FADS2: variants seen among roughly 807,000 people sequenced by gnomAD.
FADS2 encodes the protein acyl-CoA 6-desaturase.
In FADS2, 18 loss-of-function variants were observed where a neutral mutation model predicts 61.2. The ratio of observed to expected loss-of-function variants is 0.29; its 90% CI spans 0.20 to 0.44. The LOEUF is 0.44. Ranked by LOEUF, FADS2 falls within the 20% of genes least tolerant of loss-of-function variation. The probability of loss-of-function intolerance (pLI) is 1.00; values close to 1 mark genes in which losing one functional copy is unlikely to be tolerated. For synonymous variants in FADS2, 203 were observed against 223.9 expected (o/e 0.91, Z 0.83); for missense variants, 322 against 572.7 (o/e 0.56, Z 4.47).
intron 7 of FADS2, 81 bp downstream of exon 7, chr11:61,857,611 T>C: frequency 7.9e-7 from 1 of 1,258,306 alleles, no homozygotes. Context: ...CGCTGCCTCC[T>C]CGTGTGCCCC....
chr11:61,848,341 A>G, intron 5 of FADS2, 57 bp downstream of exon 5: 1 of 1,605,298 alleles, frequency 6.2e-7, no homozygotes, highest in Admixed American at 1.7e-5. Context: ...CGAATGGCAG[A>G]CCATCGAGGT....
intron 7 of FADS2, 103 bp downstream of exon 7, chr11:61,857,633 T>C (rs2067373791): frequency 9.6e-7 from 1 of 1,039,044 alleles, no homozygotes; most frequent in East Asian, 2.4e-5. Flanking sequence ...GTGGAGCCTG[T>C]GGGGCCCCAG....
At chr11:61,817,445 G>A (rs1230796658) in intron 1 of FADS2, among the ~76,000 whole-genome samples, 4 of 152,240 alleles carry the variant, frequency 2.6e-5, no homozygotes, top group Non-Finnish European at 5.9e-5. Context: ...CTTGGTGGTG[G>A]TTGGGGGAGG....
rs1555078396 is a variant in FADS2 at position 61,861,371 on chromosome 11, A to AAAAAAAAAC, written c.883-1601_883-1600insAAAAAAAAC. On this transcript the variant is annotated intron_variant, in intron 7 of 11. Transcript: ENST00000278840. ...TCCCTCTCAAAAAAAAAAAAAAAAA[A>AAAAAAAAAC]CAGAAATTAGCTACTCGGGAGGCTG... Among the ~76,000 whole-genome samples the AAAAAAAAAC allele has an allele frequency of 3.0e-3, 321 of 106,176 alleles. 1 individual carries two copies. Among genetic ancestry groups the AAAAAAAAAC allele is most frequent in the Non-Finnish European group, 5.9e-3 (269 of 45,954 alleles). The allele number at this position is 106,176 out of a possible 152,430, so 69.7% of individuals were successfully genotyped here. A position where few individuals can be genotyped will look rare whatever the true frequency, so the allele number is the denominator to read the frequency against.
At chr11:61,831,020 C>T (rs1591165251) in intron 1 of FADS2, among the ~76,000 whole-genome samples, 1 of 152,166 alleles carries the variant, frequency 6.6e-6, no homozygotes, top group African/African-American at 2.4e-5. Flanking sequence ...ACTTTTGGGG[C>T]ATGAAATACA....
At position 61,828,643 on chromosome 11, in the gene FADS2, G is replaced by C. The variant is rs1200157117; in HGVS notation, c.207+46G>C. On this transcript the variant is annotated intron_variant, in intron 1 of 11. Transcript: ENST00000278840. This position sits in a 1 kb window ranked among gnomAD's most constrained non-coding sequence, Gnocchi z 6.4. ...CAGCCACCCTTCTCTGCTGCAGGCGGAGTCAGGATCCCTGGCTCCCCGTGG... is the reference window on the plus strand; with the variant it reads ...CAGCCACCCTTCTCTGCTGCAGGCGCAGTCAGGATCCCTGGCTCCCCGTGG... The C allele has an allele frequency of 1.7e-5, 27 of 1,556,098 alleles. No individual in the cohort carries two copies. Among genetic ancestry groups the C allele is most frequent in the Non-Finnish European group, 2.4e-5 (27 of 1,140,328 alleles).
chr11:61,858,104 C>T (rs1380790241), intron 7 of FADS2, among the ~76,000 whole-genome samples: 6 of 152,114 alleles, frequency 3.9e-5, no homozygotes, highest in Admixed American at 2.0e-4. Context: ...TGATGGCTTT[C>T]GTCCTCCCTC....
At chr11:61,848,619 G>T (rs188158493) in intron 5 of FADS2, 1 of 247,636 alleles carries the variant, frequency 4.0e-6, no homozygotes, top group Non-Finnish European at 7.9e-6. Flanking sequence ...TCATTAGAAT[G>T]GTAGATGTCT....
At chr11:61,841,337 AC>A (rs1368602339) in intron 4 of FADS2, among the ~76,000 whole-genome samples, 3 of 152,044 alleles carry the variant, frequency 2.0e-5, no homozygotes, top group Non-Finnish European at 4.4e-5. Context: ...GGTGTGAGCC[AC>A]CGCATCCGGC....
intron 7 of FADS2, among the ~76,000 whole-genome samples, chr11:61,859,952 G>C (rs1313470123): frequency 1.3e-5 from 2 of 151,972 alleles, no homozygotes; most frequent in Non-Finnish European, 2.9e-5. Context: ...TTTTTTGTTT[G>C]TTTTTGACTG....
At chr11:61,857,420 T>C (rs2067370174) in intron 6 of FADS2, 34 bp from the exon 7 acceptor site, 1 of 1,594,382 alleles carries the variant, frequency 6.3e-7, no homozygotes, top group African/African-American at 1.3e-5. Context: ...CAGGGTGGAA[T>C]GGATGCCTCT....
rs2066984001 is a variant in FADS2 at position 61,816,419 on chromosome 11, G to T, written c.134G>T (p.Gly45Val). ...GCATCCGCAGGACACCCAATCACCG[G>T]GCAACAGGTATGATCAGGCGCCTCC... The change falls in exon 1 of 12, where the codon GGG (glycine) becomes GTG (valine). Residue 45 changes from glycine to valine, a missense_variant. Gly to Val is a moderately radical substitution (Grantham distance 109). Coordinates refer to the FADS2 transcript ENST00000257261. This position sits in a 1 kb window ranked among gnomAD's most constrained non-coding sequence, Gnocchi z 7.0. 7.5e-6 allele frequency: 12 copies of T among 1,598,546 alleles called. No homozygotes were observed. The highest frequency in any genetic ancestry group is 1.0e-5 in the Non-Finnish European group (12 of 1,179,808).
intron 4 of FADS2, among the ~76,000 whole-genome samples, chr11:61,841,540 A>G (rs693644): frequency 4.0e-5 from 5 of 124,202 alleles, no homozygotes; most frequent in African/African-American, 1.6e-4. Context: ...CCCATCTCTC[A>G]AAAAAAAAAA....
Position 61,865,460 on chromosome 11 carries a change from G to C in FADS2, c.1284-178G>C, listed in dbSNP as rs1458337924. ...GGCTGCGAGAAGACCATCCCTTTCT[G>C]TGTGGGGTTCCTGGTGGGCTCTGAG... On this transcript the variant is annotated intron_variant, in intron 11 of 11. Coordinates refer to ENST00000278840, the MANE Select transcript of FADS2 (RefSeq NM_004265.4). This position sits in a 1 kb window ranked among gnomAD's most constrained non-coding sequence, Gnocchi z 4.1. 1.6e-5 allele frequency: 15 copies of C among 960,712 alleles called. No individual in the cohort carries two copies. The highest frequency in any genetic ancestry group is 1.2e-4 in the South Asian group (7 of 60,454). The allele number at this position is 960,712 out of a possible 1,614,324, so 59.5% of individuals were successfully genotyped here. A position where few individuals can be genotyped will look rare whatever the true frequency, so the allele number is the denominator to read the frequency against.
At chr11:61,826,515 CA>C, upstream of FADS2, 1 of 605,352 alleles carries the variant, frequency 1.7e-6, no homozygotes, top group East Asian at 2.7e-5. Context: ...TATGTTAATC[CA>C]TTTCTGAGAA....
At chr11:61,817,136 T>G (rs2066994197) in intron 1 of FADS2, 1 of 275,414 alleles carries the variant, frequency 3.6e-6, no homozygotes, top group Middle Eastern at 1.4e-3. Context: ...AGGCCCTGGG[T>G]GCGGGGCCGC....
At chr11:61,844,488 G>A (rs2067239651) in intron 4 of FADS2, among the ~76,000 whole-genome samples, 1 of 152,130 alleles carries the variant, frequency 6.6e-6, no homozygotes, top group African/African-American at 2.4e-5. Context: ...GGTGGAGGTT[G>A]CAGTGAGCCG....
At chr11:61,838,984 C>T (rs938948148) in intron 2 of FADS2, among the ~76,000 whole-genome samples, 1 of 152,192 alleles carries the variant, frequency 6.6e-6, no homozygotes, top group Non-Finnish European at 1.5e-5. Flanking sequence ...CCAGGCACCA[C>T]CAGAACCACC....
chr11:61,826,229 T>C, upstream of FADS2: 1 of 702,368 alleles, frequency 1.4e-6, no homozygotes, highest in Non-Finnish European at 2.6e-6. Context: ...GAGCCATTCT[T>C]TGAACTTCAT....
Sources: allele counts gnomAD v4.1 joint callset (sites outside exome capture counted in the v4.1 genomes callset), GRCh38; gene constraint gnomAD v4.1.1; non-coding constraint Gnocchi (gnomAD v3.1); transcripts MANE v1.5; gene names NCBI Gene and HGNC (gene_info 2026-07-23, HGNC 2026-07-21).